The following ADAM22 variants were observed in gnomAD, a reference collection of about 807,000 sequenced individuals.
ADAM22 encodes the protein disintegrin and metalloproteinase domain-containing protein 22.
In ADAM22, 65 loss-of-function variants were observed where a neutral mutation model predicts 144.6. That is an observed-to-expected ratio of 0.45 (90% CI 0.37 to 0.55). The LOEUF is 0.55. ADAM22 is among the 20% of genes least tolerant of loss of function. The pLI, the probability that ADAM22 is intolerant of heterozygous loss-of-function variation, is 0.00. For synonymous variants in ADAM22, 391 were observed against 412.6 expected, an observed-to-expected ratio of 0.95 and a Z score of 0.63; for missense variants, 974 against 1,184.9, an observed-to-expected ratio of 0.82 and a Z score of 2.61.
intron 31 of ADAM22, among the ~76,000 whole-genome samples, chr7:88,193,593 T>A (rs373814513): frequency 2.6e-5 from 4 of 152,224 alleles, no homozygotes; most frequent in Non-Finnish European, 5.9e-5. Context: ...CATATCAGTA[T>A]GTGAAATTCG....
intron 18 of ADAM22, among the ~76,000 whole-genome samples, chr7:88,150,354 A>G (rs1837980362): frequency 6.6e-6 from 1 of 152,234 alleles, no homozygotes; most frequent in South Asian, 2.1e-4. Context: ...ACAAAGAGGC[A>G]ACATAATTGC....
intron 3 of ADAM22, among the ~76,000 whole-genome samples, chr7:88,059,700 A>C (rs1384843830): frequency 6.6e-6 from 1 of 152,222 alleles, no homozygotes; most frequent in Non-Finnish European, 1.5e-5. Context: ...GAATGAAATC[A>C]TGTCTTTTGC....
At chr7:88,175,245 G>T (rs1190942463) in intron 26 of ADAM22, among the ~76,000 whole-genome samples, 1 of 152,080 alleles carries the variant, frequency 6.6e-6, no homozygotes, top group Non-Finnish European at 1.5e-5. Context: ...ACAACTAGAT[G>T]ATTTATAATT....
rs1014904209 is a variant in ADAM22, at chr7:88,200,557, G to A, written c.*4066G>A. On this transcript the variant is annotated 3_prime_UTR_variant, in exon 32 of 32. Transcript: ENST00000413139. Reference sequence around the variant, plus strand: ...TGAATTTTCCATGAAACACTTGACTGCCATTTGCAGCATCATATCTACTTT... The same window carrying A: ...TGAATTTTCCATGAAACACTTGACTACCATTTGCAGCATCATATCTACTTT... The A allele has an allele frequency of 3.3e-5, 5 of 152,214 alleles. No homozygotes were observed. Among genetic ancestry groups the A allele is most frequent in the Non-Finnish European group, 5.9e-5 (4 of 68,046 alleles). The allele number at this position is 152,214 out of a possible 1,614,324, so 9.4% of individuals were successfully genotyped here. A position where few individuals can be genotyped will look rare whatever the true frequency, so the allele number is the denominator to read the frequency against.
chr7:88,136,790 T>C (rs1017717667), intron 14 of ADAM22, among the ~76,000 whole-genome samples: 1 of 151,856 alleles, frequency 6.6e-6, no homozygotes, highest in Non-Finnish European at 1.5e-5. Context: ...TGTAACCAAA[T>C]ACCACCTGTT....
chr7:88,133,584 G>A (rs1480977457), intron 12 of ADAM22, among the ~76,000 whole-genome samples: 3 of 151,724 alleles, frequency 2.0e-5, no homozygotes, highest in African/African-American at 7.3e-5. Context: ...TGAAAATAAG[G>A]CCCTATTTAT....
At chr7:88,113,692 AT>A (rs1826727106) in intron 5 of ADAM22, among the ~76,000 whole-genome samples, 1 of 61,958 alleles carries the variant, frequency 1.6e-5, no homozygotes, top group Admixed American at 1.9e-4. Context: ...TATATTATAA[AT>A]AAATAAATAA....
chr7:88,056,922 C>T (rs1460392241), intron 3 of ADAM22, among the ~76,000 whole-genome samples: 1 of 152,062 alleles, frequency 6.6e-6, no homozygotes, highest in Non-Finnish European at 1.5e-5. Context: ...TTTATTTAAG[C>T]CAGTTTTAGG....
chr7:88,137,243 A>G lies in ADAM22; in HGVS notation c.1220+1212A>G, dbSNP rs774795314. 6.6e-5 allele frequency among the ~76,000 whole-genome samples: 10 copies of G among 152,180 alleles called. 1 individual carries two copies. Among genetic ancestry groups the G allele is most frequent in the East Asian group, 5.8e-4 (3 of 5,198 alleles). ...TTTGTGAGATTTATCCATCCTGTTA[A>G]TATACAATTCTTGTTCATTAAATGC... On this transcript the variant is annotated intron_variant, in intron 14 of 31. Transcript: ENST00000413139.
chr7:87,943,480 C>CT (rs1468571147), intron 2 of ADAM22, among the ~76,000 whole-genome samples: 1 of 152,082 alleles, frequency 6.6e-6, no homozygotes, highest in Non-Finnish European at 1.5e-5. Flanking sequence ...TCCTCCCTAG[C>CT]TAACTTGCAG....
Position 88,154,294 on chromosome 7 carries a change from T to C in ADAM22, c.1787+968T>C, listed in dbSNP as rs952987956. Among the ~76,000 whole-genome samples the C allele has an allele frequency of 2.6e-5, 4 of 152,160 alleles. No individual in the cohort carries two copies. In the East Asian group the frequency reaches 7.7e-4, roughly 29 times the overall value. On this transcript the variant is annotated intron_variant, in intron 21 of 31. Coordinates refer to ENST00000413139, the MANE Select transcript of ADAM22 (RefSeq NM_001324418.2). ...TGGCACTGCACCTATTCAACAATTG[T>C]CCCCAACCTACACTTTTTGTCATTT...
chr7:87,985,312 C>CAA (rs887217369), intron 3 of ADAM22, among the ~76,000 whole-genome samples: 1 of 125,472 alleles, frequency 8.0e-6, no homozygotes. Context: ...GACTCCATCT[C>CAA]AAAAAAAAAA....
chr7:88,163,995 G>A (rs1842378745), intron 23 of ADAM22, among the ~76,000 whole-genome samples: 1 of 152,000 alleles, frequency 6.6e-6, no homozygotes, highest in African/African-American at 2.4e-5. Context: ...TTCATTCCTG[G>A]TCTTTCCATG....
chr7:87,975,874 A>G (rs1176142662), intron 2 of ADAM22, among the ~76,000 whole-genome samples: 1 of 152,176 alleles, frequency 6.6e-6, no homozygotes, highest in East Asian at 1.9e-4. Context: ...TTTAACTGAA[A>G]CATCATTTCT....
chr7:88,028,711 A>G (rs1233017471), intron 3 of ADAM22, among the ~76,000 whole-genome samples: 1 of 151,794 alleles, frequency 6.6e-6, no homozygotes, highest in Non-Finnish European at 1.5e-5. Flanking sequence ...ATATATTTTA[A>G]TTGTTATGTA....
intron 3 of ADAM22, among the ~76,000 whole-genome samples, chr7:88,045,733 C>T (rs570396542): frequency 2.3e-4 from 35 of 152,112 alleles, no homozygotes; most frequent in Non-Finnish European, 4.4e-4. Context: ...CTTTCTCTTT[C>T]GTGAGTTCAA....
chr7:87,956,591 C>G (rs1179666438), intron 2 of ADAM22, among the ~76,000 whole-genome samples: 3 of 152,098 alleles, frequency 2.0e-5, no homozygotes, highest in African/African-American at 7.2e-5. Flanking sequence ...AACCTTATGC[C>G]CATTTTCCCT....
chr7:88,188,133 C>A (rs1256268189), intron 30 of ADAM22, among the ~76,000 whole-genome samples: 1 of 152,060 alleles, frequency 6.6e-6, no homozygotes. Context: ...GGCTTGTGGG[C>A]AGATTGTAAT....
At chr7:87,953,953 TAGGA>T (rs1845939138) in intron 2 of ADAM22, among the ~76,000 whole-genome samples, 1 of 152,164 alleles carries the variant, frequency 6.6e-6, no homozygotes, top group Non-Finnish European at 1.5e-5. Context: ...TATCAGAGAC[TAGGA>T]TTGCAACCCC....
Sources: gnomAD v4.1 joint callset for allele counts (sites outside exome capture counted in the v4.1 genomes callset) on GRCh38, gnomAD v4.1.1 for gene constraint, MANE v1.5 for transcripts, NCBI Gene and HGNC (gene_info 2026-07-23, HGNC 2026-07-21) for gene names.